KIAA2012: variants seen among roughly 807,000 people sequenced by gnomAD.
The protein encoded by KIAA2012 is KIAA2012, also known as uncharacterized protein KIAA2012.
KIAA2012 carries 125 observed loss-of-function variants against 150.6 expected under a neutral mutation model. The ratio of observed to expected loss-of-function variants is 0.83; its 90% confidence interval spans 0.72 to 0.96. The LOEUF (loss-of-function observed/expected upper bound fraction) is 0.96, where lower values mean the gene tolerates loss of function less well. KIAA2012 is among the 40% of genes least tolerant of loss of function. KIAA2012 has a pLI of 0.00. For missense variants in KIAA2012, 1,219 were observed against 1,354.9 expected (o/e 0.90, Z 1.57); for synonymous variants, 462 against 504.7 (o/e 0.92, Z 1.13).
chr2:202,145,556 AT>A (rs1026265120), intron 13 of KIAA2012, among the ~76,000 whole-genome samples: 1 of 151,878 alleles, frequency 6.6e-6, no homozygotes, highest in South Asian at 2.1e-4. Flanking sequence ...TGCGTAGTTA[AT>A]TTTTTTCCTT....
In KIAA2012 at chr2:202,114,845, T is replaced by G. The variant is rs373854519; in HGVS notation, c.1762+1399T>G. 4 of 166,134 alleles carry G rather than the reference T, an allele frequency of 2.4e-5. No homozygotes were observed. The East Asian group carries it at 7.7e-4, about 32-fold the overall frequency. 10.3% of individuals were successfully genotyped at this position (166,134 alleles called of 1,614,324 possible). A position where few individuals can be genotyped will look rare whatever the true frequency, so the allele number is the denominator to read the frequency against. On this transcript the variant is annotated intron_variant, in intron 11 of 23. Transcript: ENST00000498697. ...TGTCCCAGTCCCACAGATGGTATATTTAATCCTACTTGCCTCTCAAACCTA... is the reference window on the plus strand; with the variant it reads ...TGTCCCAGTCCCACAGATGGTATATGTAATCCTACTTGCCTCTCAAACCTA...
chr2:202,185,314 C>CAGGCGTAGTGTTTTGACTT (rs1199541189), intron 16 of KIAA2012, among the ~76,000 whole-genome samples: 1 of 152,204 alleles, frequency 6.6e-6, no homozygotes, highest in Non-Finnish European at 1.5e-5. Flanking sequence ...CCCAGCCAGT[C>CAGGCGTAGTGTTTTGACTT]AGGCGTAGTG....
intron 15 of KIAA2012, among the ~76,000 whole-genome samples, chr2:202,176,231 G>A (rs576244442): frequency 2.5e-4 from 38 of 149,070 alleles, no homozygotes; most frequent in South Asian, 2.5e-3. Flanking sequence ...ACGGAGTCTC[G>A]CTCTATTGCC....
In KIAA2012 at chr2:202,198,942, A is replaced by G. The variant is rs150391229; in HGVS notation, c.3407+1923A>G. Among the ~76,000 whole-genome samples, 6 of 152,324 alleles carry G rather than the reference A, an allele frequency of 3.9e-5. No individual in the cohort carries two copies. In the East Asian group the frequency reaches 7.7e-4, roughly 20 times the overall value. ...AGCTGTTAGGTGAATTACAAAATGGATCATTAGGAAAGCCCTGACTCCATT... is the reference window on the plus strand; with the variant it reads ...AGCTGTTAGGTGAATTACAAAATGGGTCATTAGGAAAGCCCTGACTCCATT... On this transcript the variant is annotated intron_variant, in intron 22 of 23. Transcript: ENST00000498697.
At chr2:202,155,780 A>G (rs955260024) in intron 14 of KIAA2012, among the ~76,000 whole-genome samples, 5 of 152,342 alleles carry the variant, frequency 3.3e-5, no homozygotes, top group Middle Eastern at 3.4e-3. Context: ...TCCCAATTCT[A>G]CAAGGTGGGG....
At chr2:202,204,388 T>C (rs79092351) in intron 23 of KIAA2012, among the ~76,000 whole-genome samples, 20,489 of 152,196 alleles carry the variant, frequency 0.13, 1,728 homozygotes, top group South Asian at 0.26. Flanking sequence ...AGGATGAGAC[T>C]TGATTAGATA....
At chr2:202,078,367 C>T (rs1253529871) in intron 2 of KIAA2012, among the ~76,000 whole-genome samples, 3 of 152,204 alleles carry the variant, frequency 2.0e-5, no homozygotes, top group Non-Finnish European at 4.4e-5. Flanking sequence ...CAGCACACTG[C>T]GGCCTCAAAC....
intron 15 of KIAA2012, among the ~76,000 whole-genome samples, chr2:202,171,119 A>G (rs975398746): frequency 1.8e-5 from 1 of 54,522 alleles, no homozygotes. Flanking sequence ...TACTACACAC[A>G]CACACACACA....
rs1447603654 is a variant in KIAA2012, at chr2:202,090,876, G to A, written c.476G>A (p.Arg159Gln). The A allele has an allele frequency of 1.2e-5, 18 of 1,550,364 alleles. No individual in the cohort carries two copies. The East Asian group carries it at 1.5e-4, about 13-fold the overall frequency. Reference protein sequence around the residue: ...QPGHSAKRYLRGLLRTWPPDA... With the variant: ...QPGHSAKRYLQGLLRTWPPDA... ...GGGCATTCAGCCAAGAGATACCTCC[G>A]AGGCCTCCTGCGGACTTGGCCCCCA... The change falls in exon 3 of 24, where the codon CGA becomes CAA. Residue 159 changes from arginine to glutamine, a missense_variant. By Grantham distance (43) the Arg-to-Gln change is conservative (BLOSUM62 1). Coordinates refer to ENST00000498697, the MANE Select transcript of KIAA2012 (RefSeq NM_001277372.4).
intron 14 of KIAA2012, among the ~76,000 whole-genome samples, chr2:202,160,545 C>A (rs897819907): frequency 6.6e-6 from 1 of 152,052 alleles, no homozygotes; most frequent in Non-Finnish European, 1.5e-5. Flanking sequence ...GATCTCCTGA[C>A]CTCGTGATCC....
At chr2:202,162,103 T>C (rs573541182) in intron 14 of KIAA2012, among the ~76,000 whole-genome samples, 1 of 152,278 alleles carries the variant, frequency 6.6e-6, no homozygotes, top group Admixed American at 6.5e-5. Flanking sequence ...CAGTATGCCT[T>C]CCAGCTGCTC....
At chr2:202,100,168 C>G (rs1690004067) in intron 6 of KIAA2012, 139 bp from the exon 7 acceptor site, 4 of 910,538 alleles carry the variant, frequency 4.4e-6, no homozygotes. Flanking sequence ...CTGCCTCCCC[C>G]AAAGCTAGGG....
chr2:202,122,655 C>T (rs1193502189), intron 11 of KIAA2012, among the ~76,000 whole-genome samples: 5 of 152,062 alleles, frequency 3.3e-5, no homozygotes, highest in Non-Finnish European at 7.4e-5. Context: ...TGGTGCACCA[C>T]CACGCCTGGC....
intron 20 of KIAA2012, 46 bp from the exon 21 acceptor site, chr2:202,194,144 C>T (rs767551190): frequency 1.3e-6 from 2 of 1,545,808 alleles, no homozygotes; most frequent in Non-Finnish European, 8.7e-7. Flanking sequence ...CACAAGGATG[C>T]CTCAGTGTTT....
chr2:202,130,724 T>G (rs544418401), intron 12 of KIAA2012, among the ~76,000 whole-genome samples: 2 of 151,952 alleles, frequency 1.3e-5, no homozygotes, highest in Admixed American at 1.3e-4. Flanking sequence ...CGAGACCAGG[T>G]TGGCTAACAT....
intron 13 of KIAA2012, among the ~76,000 whole-genome samples, chr2:202,143,428 T>C (rs1691235700): frequency 6.9e-6 from 1 of 145,316 alleles, no homozygotes; most frequent in South Asian, 2.2e-4. Context: ...AAGTCAACTA[T>C]GACTGCAACT....
chr2:202,097,568 G>A lies in KIAA2012; in HGVS notation c.819G>A (p.Thr273=), dbSNP rs1258933467. 5.2e-6 allele frequency: 8 copies of A among 1,544,820 alleles called. No homozygotes were observed. Among genetic ancestry groups the A allele is most frequent in the East Asian group, 2.4e-5 (1 of 40,848 alleles). The change falls in exon 5 of 24, where the codon ACG becomes ACA. Residue 273 remains threonine, a synonymous_variant. Transcript: ENST00000498697. ...RRKQPWQEDE[T]QAEDTSIENH... ...AGCAGCCCTGGCAGGAAGATGAAAC[G>A]CAGGCAGAGGTACCATTTCTTTTTT... is the stretch of plus-strand genomic sequence containing the variant.
At chr2:202,078,211 G>A (rs1218548133) in intron 2 of KIAA2012, among the ~76,000 whole-genome samples, 1 of 152,254 alleles carries the variant, frequency 6.6e-6, no homozygotes, top group Non-Finnish European at 1.5e-5. Flanking sequence ...ATGAACTCTG[G>A]TAAATCATGT....
intron 23 of KIAA2012, among the ~76,000 whole-genome samples, chr2:202,204,181 A>G (rs1327031545): frequency 6.6e-6 from 1 of 151,444 alleles, no homozygotes; most frequent in Non-Finnish European, 1.5e-5. Flanking sequence ...GGCTCAAACA[A>G]TCCTCCCACC....
Sources: gnomAD v4.1 joint callset for allele counts (sites outside exome capture counted in the v4.1 genomes callset) on GRCh38, gnomAD v4.1.1 for gene constraint, MANE v1.5 for transcripts, NCBI Gene and HGNC (gene_info 2026-07-23, HGNC 2026-07-21) for gene names.